Variants in C3orf49 observed in about 807,000 individuals in gnomAD.
C3orf49 encodes chromosome 3 open reading frame 49, also known as putative uncharacterized protein C3orf49.
Under a neutral mutation model 13.3 loss-of-function variants are expected in C3orf49, and 27 were observed. The observed-to-expected ratio is 2.02, with a 90% confidence interval of 1.49 to 2.79. The LOEUF (loss-of-function observed/expected upper bound fraction) is 2.79. Ranked by LOEUF, C3orf49 falls within the 30% of genes most tolerant of loss-of-function variation. The pLI, the probability that C3orf49 is intolerant of heterozygous loss-of-function variation, is 0.00. For missense variants in C3orf49, 242 were observed against 134.2 expected, an observed-to-expected ratio of 1.80 and a Z score of -3.97; for synonymous variants, 87 against 47.6, an observed-to-expected ratio of 1.83 and a Z score of -3.40.
chr3:63,823,258 G>C lies in C3orf49; in HGVS notation c.134G>C (p.Arg45Thr), dbSNP rs1366174233. The change falls in exon 2 of 7, where the codon AGA (arginine) becomes ACA (threonine). Residue 45 changes from arginine (R) to threonine (T), a missense_variant. Physicochemically the swap from Arg to Thr is moderately conservative, Grantham distance 71 (BLOSUM62 -1). Transcript: ENST00000295896. ...FKRKGIERWH[R>T]AVSTNLLKQN... The stretch of plus-strand genomic sequence containing the variant: ...ATTTTTATTTTGTTTAGATGGCATA[G>C]AGCTGTGTCTACCAACTTACTAAAA... The C allele has an allele frequency of 5.7e-6, 4 of 701,820 alleles. No individual in the cohort carries two copies. Among genetic ancestry groups the C allele is most frequent in the Admixed American group, 2.0e-5 (1 of 49,924 alleles). The allele number at this position is 701,820 out of a possible 1,614,324, so 43.5% of individuals were successfully genotyped here.
chr3:63,784,586 G>A, the C3orf49 span: 1 of 152,178 alleles, frequency 6.6e-6, no homozygotes, highest in Non-Finnish European at 1.5e-5. Context: ...GCCAGGCATG[G>A]TGGCTCACAC....
At chr3:63,821,632 C>CAAT (rs1701396081) in intron 1 of C3orf49, among the ~76,000 whole-genome samples, 1 of 151,880 alleles carries the variant, frequency 6.6e-6, no homozygotes, top group Non-Finnish European at 1.5e-5. Flanking sequence ...AAGATATGAA[C>CAAT]AATTAATACA....
At chr3:63,834,673 A>G (rs1453805544) in intron 5 of C3orf49, among the ~76,000 whole-genome samples, 1 of 151,700 alleles carries the variant, frequency 6.6e-6, no homozygotes, top group Non-Finnish European at 1.5e-5. Flanking sequence ...AAAAAAAAAG[A>G]AAAGAAAAAA....
rs186313466 is a variant in C3orf49, at chr3:63,839,496, A to G, written c.850-5527A>G. ...TAATAAACATATGAGAGGCCTTTGAAGAGAAGAAAAGGCCAAGAAAATCTA... is the reference window on the plus strand; with the variant it reads ...TAATAAACATATGAGAGGCCTTTGAGGAGAAGAAAAGGCCAAGAAAATCTA... On this transcript the variant is annotated intron_variant, in intron 5 of 6. Transcript: ENST00000295896. Among the ~76,000 whole-genome samples the G allele has an allele frequency of 5.9e-3, 894 of 152,286 alleles. 6 individuals are homozygous for G. The highest frequency in any genetic ancestry group is 8.2e-3 in the Non-Finnish European group (561 of 68,012).
In C3orf49 at chr3:63,823,701, T is replaced by C. The variant is rs1299606219; in HGVS notation, c.445+132T>C. 19 of 607,332 alleles carry C rather than the reference T, an allele frequency of 3.1e-5. No individual in the cohort carries two copies. In the Admixed American group the frequency reaches 5.6e-4, roughly 18 times the overall value. The allele number at this position is 607,332 out of a possible 1,614,324, so 37.6% of individuals were successfully genotyped here. ...GAAATGCAGAATCTCAGGCCCTACC[T>C]GGGACCTTCTGAGTGAGAAGCCACA... On this transcript the variant is annotated intron_variant, in intron 2 of 6. Transcript: ENST00000295896.
chr3:63,816,092 T>C (rs1313816921), upstream of C3orf49, among the ~76,000 whole-genome samples: 5 of 151,552 alleles, frequency 3.3e-5, no homozygotes, highest in African/African-American at 4.8e-5. Context: ...CCTGTTTTTC[T>C]TTTTATTTAT....
chr3:63,833,037 C>T (rs944680151), intron 5 of C3orf49, among the ~76,000 whole-genome samples: 1 of 151,478 alleles, frequency 6.6e-6, no homozygotes, highest in Non-Finnish European at 1.5e-5. Flanking sequence ...AAGAAAATTA[C>T]AAGTGATTCC....
At chr3:63,811,862 A>T in the C3orf49 span, among the ~76,000 whole-genome samples, 12,596 of 149,842 alleles carry the variant, frequency 0.084, 1,218 homozygotes, top group African/African-American at 0.23. Context: ...AGAGGAGATT[A>T]AAAAAAAAAT....
chr3:63,821,201 A>G (rs1270356042), intron 1 of C3orf49, among the ~76,000 whole-genome samples: 1 of 152,178 alleles, frequency 6.6e-6, no homozygotes, highest in Non-Finnish European at 1.5e-5. Flanking sequence ...AACCAATACC[A>G]TTCAACTCCA....
chr3:63,811,719 A>G, the C3orf49 span, among the ~76,000 whole-genome samples: 2 of 152,044 alleles, frequency 1.3e-5, no homozygotes, highest in South Asian at 4.1e-4. Context: ...AGAATAAAAT[A>G]AAAAGAATAA....
chr3:63,815,542 C>T (rs553998247), upstream of C3orf49, among the ~76,000 whole-genome samples: 1 of 152,282 alleles, frequency 6.6e-6, no homozygotes, highest in East Asian at 1.9e-4. Context: ...CTCAGACATG[C>T]CTGGTTTGCA....
At chr3:63,838,152 G>A in intron 5 of C3orf49, 2 of 1,241,588 alleles carry the variant, frequency 1.6e-6, no homozygotes, top group Middle Eastern at 2.4e-4. Context: ...AACCTCTATT[G>A]GTAACAAAAT....
chr3:63,795,495 C>T, the C3orf49 span, among the ~76,000 whole-genome samples: 1 of 152,144 alleles, frequency 6.6e-6, no homozygotes, highest in African/African-American at 2.4e-5. Context: ...AACTTGCAGT[C>T]ACGACCCTCT....
intron 6 of C3orf49, chr3:63,846,021 G>C (rs1398036500): frequency 9.9e-6 from 2 of 201,512 alleles, no homozygotes; most frequent in East Asian, 3.2e-4. Context: ...AAGCCTCAAA[G>C]AGACAGTCCT....
the C3orf49 span, among the ~76,000 whole-genome samples, chr3:63,812,826 C>G: frequency 6.6e-6 from 1 of 152,178 alleles, no homozygotes; most frequent in Admixed American, 6.5e-5. Flanking sequence ...TTTCCTAAGT[C>G]AAACAGTAAA....
intron 3 of C3orf49, 148 bp downstream of exon 3, chr3:63,827,873 G>A (rs1331650974): frequency 5.3e-6 from 3 of 568,928 alleles, no homozygotes; most frequent in African/African-American, 1.9e-5. Flanking sequence ...AGAATTTAGG[G>A]TACTCTCTGG....
the C3orf49 span, among the ~76,000 whole-genome samples, chr3:63,795,473 A>G: frequency 1.3e-5 from 2 of 152,292 alleles, no homozygotes; most frequent in East Asian, 3.9e-4. Context: ...TCAAAATGCC[A>G]AGAATCTGGA....
chr3:63,825,805 G>T (rs1701458722), intron 2 of C3orf49, among the ~76,000 whole-genome samples: 1 of 152,202 alleles, frequency 6.6e-6, no homozygotes, highest in Admixed American at 6.5e-5. Flanking sequence ...TCATGGAGAG[G>T]CTTTCAAACA....
chr3:63,827,799 T>C (rs1701484333), intron 3 of C3orf49, 74 bp downstream of exon 3: 7 of 669,676 alleles, frequency 1.0e-5, no homozygotes, highest in South Asian at 6.6e-5. Flanking sequence ...AAAAACCAAG[T>C]TCTGTCCTAC....
Sources: gnomAD v4.1 joint callset for allele counts (sites outside exome capture counted in the v4.1 genomes callset) on GRCh38, gnomAD v4.1.1 for gene constraint, MANE v1.5 for transcripts, NCBI Gene and HGNC (gene_info 2026-07-23, HGNC 2026-07-21) for gene names.